Variants in ADGRG6 observed in about 807,000 individuals in gnomAD.
The protein encoded by ADGRG6 is G-protein coupled receptor 126.
Under a neutral mutation model 142.4 loss-of-function variants are expected in ADGRG6, and 84 were observed. That is an observed-to-expected ratio of 0.59 (90% confidence interval 0.49 to 0.71). The LOEUF (loss-of-function observed/expected upper bound fraction) is 0.71. ADGRG6 is among the 30% of genes least tolerant of loss of function. The pLI is 0.00. For synonymous variants in ADGRG6, 521 were observed against 520.5 expected, an observed-to-expected ratio of 1.00 and a Z score of -0.01; for missense variants, 1,367 against 1,466.6, an observed-to-expected ratio of 0.93 and a Z score of 1.11.
At chr6:142,319,107 T>C (rs1263312414) in intron 2 of ADGRG6, among the ~76,000 whole-genome samples, 1 of 152,158 alleles carries the variant, frequency 6.6e-6, no homozygotes, top group Non-Finnish European at 1.5e-5. Context: ...GTCATACTGT[T>C]GTGCCTTAGA....
chr6:142,327,967 T>C (rs940518607), intron 2 of ADGRG6, among the ~76,000 whole-genome samples: 2 of 152,128 alleles, frequency 1.3e-5, no homozygotes, highest in Non-Finnish European at 2.9e-5. Flanking sequence ...AATTTCTCCC[T>C]CCTTCCCAAA....
chr6:142,369,875 C>T (rs973492674), intron 3 of ADGRG6, among the ~76,000 whole-genome samples: 1 of 152,078 alleles, frequency 6.6e-6, no homozygotes, highest in Non-Finnish European at 1.5e-5. Flanking sequence ...TTGTTAATTT[C>T]TTAGTTTCAG....
chr6:142,359,603 A>G (rs1365637443), intron 2 of ADGRG6, among the ~76,000 whole-genome samples: 1 of 152,188 alleles, frequency 6.6e-6, no homozygotes, highest in African/African-American at 2.4e-5. Context: ...CCCAGGCTAT[A>G]GTATAGCACT....
chr6:142,328,213 G>GT (rs1383000708), intron 2 of ADGRG6, among the ~76,000 whole-genome samples: 1 of 152,012 alleles, frequency 6.6e-6, no homozygotes, highest in Non-Finnish European at 1.5e-5. Context: ...GTTTTGTTTT[G>GT]TTTTTTTGAG....
At chr6:142,421,807 T>C (rs1776665367) in intron 22 of ADGRG6, among the ~76,000 whole-genome samples, 1 of 152,192 alleles carries the variant, frequency 6.6e-6, no homozygotes, top group Non-Finnish European at 1.5e-5. Context: ...CACTGACTTT[T>C]AAGACTAATT....
intron 22 of ADGRG6, among the ~76,000 whole-genome samples, chr6:142,432,195 C>T (rs973834605): frequency 3.3e-5 from 5 of 152,094 alleles, no homozygotes; most frequent in African/African-American, 1.2e-4. Context: ...AATTTCTTTC[C>T]ATATTGCTTG....
intron 2 of ADGRG6, among the ~76,000 whole-genome samples, chr6:142,363,587 GA>G (rs1408879522): frequency 6.6e-6 from 1 of 152,142 alleles, no homozygotes; most frequent in African/African-American, 2.4e-5. Context: ...TTATATGTAA[GA>G]ATATGTTACC....
chr6:142,372,057 G>C (rs1223856251), intron 4 of ADGRG6, among the ~76,000 whole-genome samples: 1 of 152,050 alleles, frequency 6.6e-6, no homozygotes, highest in East Asian at 1.9e-4. Flanking sequence ...TTCTTTGTGA[G>C]ACTGTAAATG....
chr6:142,385,752 T>G (rs1487701306), intron 6 of ADGRG6, among the ~76,000 whole-genome samples: 1 of 152,194 alleles, frequency 6.6e-6, no homozygotes, highest in Admixed American at 6.5e-5. Context: ...ATTAAGTTTT[T>G]TTTCTTTGAT....
At chr6:142,318,852 G>C (rs1172255945) in intron 2 of ADGRG6, among the ~76,000 whole-genome samples, 1 of 151,962 alleles carries the variant, frequency 6.6e-6, no homozygotes, top group Admixed American at 6.6e-5. Flanking sequence ...ATGGGGAAGT[G>C]GGAGACCAGA....
At chr6:142,349,175 T>C (rs765258986) in intron 2 of ADGRG6, among the ~76,000 whole-genome samples, 2 of 152,232 alleles carry the variant, frequency 1.3e-5, no homozygotes, top group Non-Finnish European at 2.9e-5. Context: ...GTGCCTCTTG[T>C]TTCAATCAAA....
At chr6:142,388,597 G>A (rs556719028) in intron 6 of ADGRG6, among the ~76,000 whole-genome samples, 4 of 151,952 alleles carry the variant, frequency 2.6e-5, no homozygotes, top group Non-Finnish European at 5.9e-5. Context: ...CCTTAAACAC[G>A]TTCAGAACAC....
rs752532047 is a variant in ADGRG6, at chr6:142,383,747, T to G, written c.1139-13T>G. ...TCTTTGCAAAATTACATCTTTCTCA[T>G]CTTTATTACCAGCTACTGTAAACTC... is the stretch of plus-strand genomic sequence containing the variant. On this transcript the variant is annotated splice_polypyrimidine_tract_variant and intron_variant, in intron 5 of 24. Transcript: ENST00000367609. 1.1e-5 allele frequency: 15 copies of G among 1,372,772 alleles called. No individual in the cohort carries two copies. Among genetic ancestry groups the G allele is most frequent in the Non-Finnish European group, 1.6e-5 (15 of 965,870 alleles). The allele number at this position is 1,372,772 out of a possible 1,614,324, so 85.0% of individuals were successfully genotyped here.
At chr6:142,439,490 G>A (rs991421209) in intron 24 of ADGRG6, among the ~76,000 whole-genome samples, 4 of 152,174 alleles carry the variant, frequency 2.6e-5, no homozygotes, top group African/African-American at 4.8e-5. Flanking sequence ...TAACCCTGGT[G>A]TACATTTGAA....
intron 22 of ADGRG6, 76 bp downstream of exon 22, chr6:142,420,180 A>T: frequency 1.8e-6 from 2 of 1,122,130 alleles, no homozygotes; most frequent in Non-Finnish European, 2.6e-6. Flanking sequence ...TTTTGGACAG[A>T]TGCCATGTTA....
At chr6:142,375,536 G>C (rs150182197) in intron 4 of ADGRG6, among the ~76,000 whole-genome samples, 159 of 152,240 alleles carry the variant, frequency 1.0e-3, no homozygotes, top group Non-Finnish European at 9.3e-4. Flanking sequence ...ATCAAGGCTT[G>C]TTAGCTAAGC....
intron 1 of ADGRG6, among the ~76,000 whole-genome samples, chr6:142,306,860 ATCT>A (rs1476169638): frequency 6.6e-6 from 1 of 152,084 alleles, no homozygotes; most frequent in Non-Finnish European, 1.5e-5. Context: ...TTATTTGTTT[ATCT>A]TCTTCAGTAA....
At chr6:142,437,666 T>A (rs1414507971) in intron 23 of ADGRG6, 131 bp downstream of exon 23, 4 of 618,216 alleles carry the variant, frequency 6.5e-6, no homozygotes, top group Admixed American at 5.0e-5. Context: ...AGATGCGTAG[T>A]TGGAATCATA....
At chr6:142,302,550 T>G in intron 1 of ADGRG6, 1 of 525,426 alleles carries the variant, frequency 1.9e-6, no homozygotes, top group Non-Finnish European at 3.3e-6. Context: ...TGGCTGTTTT[T>G]TTTCCCCCAG....
Sources: gnomAD v4.1 joint callset for allele counts (sites outside exome capture counted in the v4.1 genomes callset) on GRCh38, gnomAD v4.1.1 for gene constraint, MANE v1.5 for transcripts, NCBI Gene and HGNC (gene_info 2026-07-23, HGNC 2026-07-21) for gene names.